The following AIMP1 variants were observed in gnomAD, a reference collection of about 807,000 sequenced individuals.
The protein encoded by AIMP1 is aminoacyl tRNA synthase complex-interacting multifunctional protein 1.
In AIMP1, 24 loss-of-function variants were observed where a neutral mutation model predicts 33.1. That is an observed-to-expected ratio of 0.73 (90% confidence interval 0.53 to 1.02). AIMP1 has a LOEUF of 1.02. Ranked by LOEUF, AIMP1 falls within the 50% of genes least tolerant of loss-of-function variation. The pLI, the probability that AIMP1 is intolerant of heterozygous loss-of-function variation, is 0.00. For missense variants in AIMP1, 367 were observed against 364.8 expected (o/e 1.01, Z -0.05); for synonymous variants, 120 against 121.5 (o/e 0.99, Z 0.08).
At chr4:106,322,950 C>T (rs1769319537) in intron 1 of AIMP1, among the ~76,000 whole-genome samples, 1 of 151,354 alleles carries the variant, frequency 6.6e-6, no homozygotes, top group Non-Finnish European at 1.5e-5. Context: ...TGCCACTGCA[C>T]CCCAGCCTGG....
chr4:106,316,840 C>G (rs1323461278), intron 1 of AIMP1: 4 of 483,340 alleles, frequency 8.3e-6, no homozygotes, highest in Non-Finnish European at 1.5e-5. Flanking sequence ...ATATCGATCC[C>G]TAAGCGTATT....
chr4:106,347,770 A>G lies in AIMP1; in HGVS notation c.*78A>G. On this transcript the variant is annotated 3_prime_UTR_variant, in exon 7 of 7. Transcript: ENST00000672341. ...AAATATATTTGTCACTTATACCTAAAATATGAGTGGCTCATTTTTGCATTA... is the reference window on the plus strand; with the variant it reads ...AAATATATTTGTCACTTATACCTAAGATATGAGTGGCTCATTTTTGCATTA... 1 of 1,466,820 alleles carries G rather than the reference A, an allele frequency of 6.8e-7. No individual in the cohort carries two copies. The highest frequency in any genetic ancestry group is 1.4e-5 in the African/African-American group (1 of 70,978). The allele number at this position is 1,466,820 out of a possible 1,614,324, so 90.9% of individuals were successfully genotyped here.
chr4:106,339,811 CATCTAATAAT>C (rs1369575439), intron 6 of AIMP1, among the ~76,000 whole-genome samples: 3 of 152,062 alleles, frequency 2.0e-5, no homozygotes, highest in African/African-American at 7.2e-5. Flanking sequence ...TTATAAATTC[CATCTAATAAT>C]ATACTTGCAT....
rs1770362546 is a variant in AIMP1, at chr4:106,347,822, T to G, written c.*130T>G. ...TCTCTTCTAGACTTGACTAGTCATT[T>G]ACTTGGTATATATTGTTTTCATTGA... On this transcript the variant is annotated 3_prime_UTR_variant, in exon 7 of 7. Coordinates refer to ENST00000672341, the MANE Select transcript of AIMP1 (RefSeq NM_001142416.2). 2.1e-6 allele frequency: 2 copies of G among 940,782 alleles called. No individual in the cohort carries two copies. The highest frequency in any genetic ancestry group is 1.6e-6 in the Non-Finnish European group (1 of 627,146). The allele number at this position is 940,782 out of a possible 1,614,324, so 58.3% of individuals were successfully genotyped here.
chr4:106,339,373 G>T (rs1438961250), intron 6 of AIMP1, among the ~76,000 whole-genome samples: 1 of 152,138 alleles, frequency 6.6e-6, no homozygotes, highest in East Asian at 1.9e-4. Flanking sequence ...GGAGGTAATT[G>T]AATCCTGGGG....
chr4:106,323,885 A>T (rs1346281435), intron 1 of AIMP1, among the ~76,000 whole-genome samples: 1 of 152,100 alleles, frequency 6.6e-6, no homozygotes, highest in Non-Finnish European at 1.5e-5. Context: ...AAATCATCTT[A>T]TTCAAATTTC....
rs1009958400 is a variant in AIMP1 at position 106,347,614 on chromosome 4, A to G, written c.861A>G (p.Thr287=). The change falls in exon 7 of 7, where the codon ACA becomes ACG. Residue 287 remains threonine (T), a synonymous_variant. Coordinates refer to ENST00000672341, the MANE Select transcript of AIMP1 (RefSeq NM_001142416.2). The part of the protein sequence containing the change: ...DLHTNDECVA[T]YKGVPFEVKG... Reference sequence around the variant, plus strand: ...ACACTAATGATGAGTGTGTGGCTACATACAAAGGAGTTCCCTTTGAGGTGA... The same window carrying G: ...ACACTAATGATGAGTGTGTGGCTACGTACAAAGGAGTTCCCTTTGAGGTGA... The G allele has an allele frequency of 3.7e-6, 6 of 1,613,386 alleles. No individual in the cohort carries two copies. The highest frequency in any genetic ancestry group is 2.2e-5 in the East Asian group (1 of 44,828).
chr4:106,316,551 C>T lies in AIMP1; in HGVS notation c.-69C>T. On this transcript the variant is annotated 5_prime_UTR_variant, in exon 1 of 7. Transcript: ENST00000672341. The stretch of plus-strand genomic sequence containing the variant: ...GTACGCGGGTGGCTGGACCTACATG[C>T]TTCCTGCTGTGGCTGTCTCGGAACC... 1.3e-6 allele frequency: 2 copies of T among 1,551,630 alleles called. No individual in the cohort carries two copies. The highest frequency in any genetic ancestry group is 1.2e-5 in the South Asian group (1 of 84,058).
intron 5 of AIMP1, among the ~76,000 whole-genome samples, chr4:106,333,577 A>G (rs1769758136): frequency 6.6e-6 from 1 of 152,164 alleles, no homozygotes; most frequent in Admixed American, 6.5e-5. Flanking sequence ...GAGTATCTCC[A>G]CTTTTCCTTT....
intron 6 of AIMP1, among the ~76,000 whole-genome samples, chr4:106,342,077 G>GATTT (rs1355539908): frequency 1.3e-5 from 2 of 152,058 alleles, no homozygotes; most frequent in Middle Eastern, 3.2e-3. Flanking sequence ...TTGTGTTCTT[G>GATTT]ATTTGACTCT....
At chr4:106,323,240 A>G (rs1006704545) in intron 1 of AIMP1, among the ~76,000 whole-genome samples, 1 of 152,114 alleles carries the variant, frequency 6.6e-6, no homozygotes, top group Non-Finnish European at 1.5e-5. Flanking sequence ...CTCTTAGGCT[A>G]GGATTTATTA....
At chr4:106,333,234 T>C (rs896111488) in intron 5 of AIMP1, among the ~76,000 whole-genome samples, 2 of 152,132 alleles carry the variant, frequency 1.3e-5, no homozygotes, top group Admixed American at 1.3e-4. Context: ...TTTTTTACCA[T>C]GTCTCAAAAA....
At chr4:106,316,842 A>G (rs1472193084) in intron 1 of AIMP1, 10 of 479,694 alleles carry the variant, frequency 2.1e-5, no homozygotes, top group Non-Finnish European at 3.8e-5. Context: ...ATCGATCCCT[A>G]AGCGTATTTA....
At chr4:106,337,967 ACTGGTGGCATTTTGCCCT>A (rs1301301106) in intron 6 of AIMP1, among the ~76,000 whole-genome samples, 37 of 152,172 alleles carry the variant, frequency 2.4e-4, no homozygotes, top group African/African-American at 8.9e-4. Context: ...TAGCAAAGAG[ACTGGTGGCATTTTGCCCT>A]TTCCCTAGAG....
chr4:106,338,893 G>A (rs1769992923), intron 6 of AIMP1, among the ~76,000 whole-genome samples: 1 of 152,226 alleles, frequency 6.6e-6, no homozygotes, highest in African/African-American at 2.4e-5. Context: ...AAGGCTGTGG[G>A]AGCCCACCTG....
At chr4:106,329,802 T>G (rs980028340) in intron 4 of AIMP1, among the ~76,000 whole-genome samples, 1 of 127,852 alleles carries the variant, frequency 7.8e-6, no homozygotes, top group African/African-American at 3.0e-5. Context: ...TTTTTTTTTT[T>G]GGAGACGGAG....
At chr4:106,337,180 C>A in intron 6 of AIMP1, 143 bp downstream of exon 6, 1 of 787,146 alleles carries the variant, frequency 1.3e-6, no homozygotes, top group Non-Finnish European at 2.1e-6. Context: ...TTGAGTTTTT[C>A]AAGATTGGCT....
rs3831463 is a variant in AIMP1, at chr4:106,327,255, CCTCT to C, written c.110-181_110-178del. ...TTACTCTTATTTCATATATTTTCTC[CCTCT>C]CTCTCTCTCTCTCTTAAATAGCATG... On this transcript the variant is annotated intron_variant, in intron 2 of 6. Coordinates refer to ENST00000672341, the MANE Select transcript of AIMP1 (RefSeq NM_001142416.2). 7.3e-5 allele frequency among the ~76,000 whole-genome samples: 11 copies of C among 150,268 alleles called. No individual in the cohort carries two copies. The East Asian group carries it at 7.8e-4, about 11-fold the overall frequency.
chr4:106,323,897 A>T (rs946152555), intron 1 of AIMP1, among the ~76,000 whole-genome samples: 4 of 152,080 alleles, frequency 2.6e-5, no homozygotes, highest in African/African-American at 9.7e-5. Flanking sequence ...TCAAATTTCA[A>T]AATTAAGAGA....
Sources: allele counts gnomAD v4.1 joint callset (sites outside exome capture counted in the v4.1 genomes callset), GRCh38; gene constraint gnomAD v4.1.1; transcripts MANE v1.5; gene names NCBI Gene and HGNC (gene_info 2026-07-23, HGNC 2026-07-21).